ZNF90: variants seen among roughly 807,000 people sequenced by gnomAD.
ZNF90 encodes the protein zinc finger protein 90.
Under a neutral mutation model 12.0 loss-of-function variants are expected in ZNF90, and 11 were observed. That is an observed-to-expected ratio of 0.92 (90% confidence interval 0.58 to 1.52). The LOEUF (loss-of-function observed/expected upper bound fraction) is 1.52. Ranked by LOEUF, ZNF90 falls within the 40% of genes most tolerant of loss-of-function variation. ZNF90 has a pLI of 0.00. For synonymous variants in ZNF90, 232 were observed against 240.1 expected (o/e 0.97, Z 0.31); for missense variants, 765 against 711.5 (o/e 1.08, Z -0.86).
Position 20,119,714 on chromosome 19 carries a change from G to C in ZNF90, c.*354G>C. ...CTGCTCACTGCAACCTCTTCCTCCT[G>C]GTTCAAGCCATTAACCTGCTTCAGC... On this transcript the variant is annotated 3_prime_UTR_variant, in exon 4 of 4. Transcript: ENST00000418063. The C allele has an allele frequency of 5.5e-6, 1 of 182,760 alleles. No homozygotes were observed. The highest frequency in any genetic ancestry group is 1.1e-5 in the Non-Finnish European group (1 of 87,350). 11.3% of individuals were successfully genotyped at this position (182,760 alleles called of 1,614,324 possible).
rs2089175571 is a variant in ZNF90 at position 20,119,307 on chromosome 19, A to G, written c.1753A>G (p.Arg585Gly). The change falls in exon 4 of 4, where the codon AGG becomes GGG. Residue 585 changes from arginine to glycine, a missense_variant. Arg to Gly is a moderately radical substitution (Grantham distance 125). Coordinates refer to ENST00000418063, the MANE Select transcript of ZNF90 (RefSeq NM_007138.2). Reference sequence around the variant, plus strand: ...GTCCTCAGACCTTAATACACATAAGAGGATTCATATTGGACAGAAAGCCTA... The same window carrying G: ...GTCCTCAGACCTTAATACACATAAGGGGATTCATATTGGACAGAAAGCCTA... ...NLSSDLNTHK[R>G]IHIGQKAYIV... 6.2e-7 allele frequency: 1 copy of G among 1,610,216 alleles called. No homozygotes were observed. The highest frequency in any genetic ancestry group is 8.5e-7 in the Non-Finnish European group (1 of 1,178,052).
At chr19:20,106,739 C>A (rs532980514) in intron 3 of ZNF90, among the ~76,000 whole-genome samples, 2 of 152,208 alleles carry the variant, frequency 1.3e-5, no homozygotes, top group Admixed American at 6.5e-5. Flanking sequence ...AGGCGTGAGC[C>A]ACTGCGCCCG....
intron 1 of ZNF90, among the ~76,000 whole-genome samples, chr19:20,092,192 CG>C (rs2088908134): frequency 6.6e-6 from 1 of 151,794 alleles, no homozygotes; most frequent in South Asian, 2.1e-4. Flanking sequence ...CAGAAGGAGC[CG>C]GGGAGCAGAA....
intron 1 of ZNF90, chr19:20,080,289 A>G (rs966344489): frequency 5.3e-6 from 3 of 561,810 alleles, no homozygotes; most frequent in Admixed American, 2.1e-5. Flanking sequence ...TATTAGATGT[A>G]TTGTAGACAA....
chr19:20,085,196 C>T (rs1286074355), intron 1 of ZNF90, among the ~76,000 whole-genome samples: 3 of 151,900 alleles, frequency 2.0e-5, no homozygotes, highest in Non-Finnish European at 4.4e-5. Context: ...TTCCTCTTGA[C>T]AGCTTTGTCA....
chr19:20,117,046 T>TGAGAGA (rs376810203), intron 3 of ZNF90, among the ~76,000 whole-genome samples: 1 of 140,940 alleles, frequency 7.1e-6, no homozygotes, highest in South Asian at 2.2e-4. Flanking sequence ...TGTGTGTGTG[T>TGAGAGA]GAGAGAGAGA....
At chr19:20,080,190 A>G in intron 1 of ZNF90, 1 of 516,802 alleles carries the variant, frequency 1.9e-6, no homozygotes, top group Non-Finnish European at 3.8e-6. Context: ...GGGGCAGCAC[A>G]TAATGGGACT....
At chr19:20,099,446 C>T (rs558827076) in intron 1 of ZNF90, among the ~76,000 whole-genome samples, 9 of 152,186 alleles carry the variant, frequency 5.9e-5, no homozygotes, top group South Asian at 2.1e-4. Context: ...ATGGGAGGAA[C>T]GGTCTATCAT....
In ZNF90 at chr19:20,118,130, G is replaced by A. The variant is rs781953496; in HGVS notation, c.576G>A (p.Lys192=). The A allele has an allele frequency of 3.1e-6, 5 of 1,610,600 alleles. No homozygotes were observed. In the African/African-American group the frequency reaches 4.0e-5, roughly 13 times the overall value. ...FNQSSTLATH[K]KIHTGEITCK... Reference sequence around the variant, plus strand: ...AGTCCTCAACCCTTGCTACACATAAGAAAATTCATACTGGAGAGATAACCT... The same window carrying A: ...AGTCCTCAACCCTTGCTACACATAAAAAAATTCATACTGGAGAGATAACCT... Residue 192 remains lysine, a synonymous_variant, in exon 4 of 4, where the codon AAG becomes AAA. Transcript: ENST00000418063.
chr19:20,107,294 C>T (rs1225318996), intron 3 of ZNF90, among the ~76,000 whole-genome samples: 3 of 152,180 alleles, frequency 2.0e-5, no homozygotes, highest in African/African-American at 7.2e-5. Context: ...GGGATGGTTA[C>T]AGAGTAAGTT....
Position 20,119,280 on chromosome 19 carries a change from T to A in ZNF90, c.1726T>A (p.Leu576Met). The stretch of plus-strand genomic sequence containing the variant: ...TGAAGAATGTGGCAAAGCTTTTAAC[T>A]TGTCCTCAGACCTTAATACACATAA... ...KCEECGKAFNLSSDLNTHKRI... is the reference protein window; with the variant it reads ...KCEECGKAFNMSSDLNTHKRI... Residue 576 changes from leucine to methionine, a missense_variant, in exon 4 of 4, where the codon TTG (leucine) becomes ATG (methionine). Coordinates refer to ENST00000418063, the MANE Select transcript of ZNF90 (RefSeq NM_007138.2). The A allele has an allele frequency of 1.2e-6, 2 of 1,613,462 alleles. No homozygotes were observed. The highest frequency in any genetic ancestry group is 1.7e-6 in the Non-Finnish European group (2 of 1,179,736).
In ZNF90 at chr19:20,116,119, C is replaced by T. The variant is rs1372194751; in HGVS notation, c.227-1662C>T. Among the ~76,000 whole-genome samples, 7 of 152,250 alleles carry T rather than the reference C, an allele frequency of 4.6e-5. No homozygotes were observed. The East Asian group carries it at 1.4e-3, about 29-fold the overall frequency. ...AACTCCTGACCTCAAATGATTCACACACCTCAGGCTCCTAAATTGCTGGTA... is the reference window on the plus strand; with the variant it reads ...AACTCCTGACCTCAAATGATTCACATACCTCAGGCTCCTAAATTGCTGGTA... On this transcript the variant is annotated intron_variant, in intron 3 of 3. Coordinates refer to ENST00000418063, the MANE Select transcript of ZNF90 (RefSeq NM_007138.2).
chr19:20,118,042 A>AT lies in ZNF90; in HGVS notation c.489dup (p.Lys164Ter), dbSNP rs782136903. On this transcript the variant is annotated frameshift_variant, in exon 4 of 4. Coordinates refer to ENST00000418063, the MANE Select transcript of ZNF90 (RefSeq NM_007138.2). LOFTEE classifies it low-confidence loss of function (END_TRUNC). ...CATATATTTTCAAATTCAAACAGAC[A>AT]TAAGATAAGAGATACTGGAAAAAAA... 1.6e-5 allele frequency: 26 copies of AT among 1,611,876 alleles called. 1 individual carries two copies. The South Asian group carries it at 2.3e-4, about 14-fold the overall frequency.
Position 20,107,501 on chromosome 19 carries a change from G to A in ZNF90, c.226+2185G>A, listed in dbSNP as rs374803001. Among the ~76,000 whole-genome samples the A allele has an allele frequency of 1.4e-4, 22 of 152,208 alleles. 1 individual carries two copies. Among genetic ancestry groups the A allele is most frequent in the East Asian group, 1.2e-3 (6 of 5,182 alleles). On this transcript the variant is annotated intron_variant, in intron 3 of 3. Coordinates refer to ENST00000418063, the MANE Select transcript of ZNF90 (RefSeq NM_007138.2). Reference sequence around the variant, plus strand: ...TCTTAGAGGCCCTTATTTTGGAATGGCATCTTGCTGCATAATGCATGCAGG... The same window carrying A: ...TCTTAGAGGCCCTTATTTTGGAATGACATCTTGCTGCATAATGCATGCAGG...
At chr19:20,099,418 G>GT (rs1441362389) in intron 1 of ZNF90, among the ~76,000 whole-genome samples, 4 of 152,166 alleles carry the variant, frequency 2.6e-5, no homozygotes, top group Admixed American at 1.3e-4. Flanking sequence ...ACCCATTGTG[G>GT]TTTTTTCCCT....
Position 20,118,288 on chromosome 19 carries a change from C to G in ZNF90, c.734C>G (p.Thr245Ser). ...GKELKYSSTL[T>S]AHKRIHTGEK... ...GAATTAAAGTATTCCTCTACCCTTA[C>G]TGCACATAAGAGAATTCATACTGGA... is the stretch of plus-strand genomic sequence containing the variant. Residue 245 changes from threonine (T) to serine (S), a missense_variant, in exon 4 of 4, where the codon ACT becomes AGT. Thr to Ser is a moderately conservative substitution (Grantham distance 58). Transcript: ENST00000418063. 6.4e-7 allele frequency: 1 copy of G among 1,561,700 alleles called. No individual in the cohort carries two copies. Among genetic ancestry groups the G allele is most frequent in the East Asian group, 2.4e-5 (1 of 41,558 alleles).
chr19:20,092,314 A>G (rs1289355035), intron 1 of ZNF90, among the ~76,000 whole-genome samples: 8 of 152,246 alleles, frequency 5.3e-5, no homozygotes, highest in African/African-American at 1.9e-4. Flanking sequence ...GTATTAGGGC[A>G]GCAGCAGCGG....
At chr19:20,103,882 G>GGTGCCTTC in intron 1 of ZNF90, among the ~76,000 whole-genome samples, 2 of 151,650 alleles carry the variant, frequency 1.3e-5, no homozygotes, top group South Asian at 4.2e-4. Context: ...AAATTTGAGA[G>GGTGCCTTC]GTGCCTTCTA....
intron 3 of ZNF90, 79 bp downstream of exon 3, chr19:20,105,395 A>T: frequency 8.4e-7 from 1 of 1,186,278 alleles, no homozygotes; most frequent in Non-Finnish European, 1.2e-6. Context: ...GGTCCTTAAA[A>T]TGTGATTTAG....
Sources: gnomAD v4.1 joint callset for allele counts (sites outside exome capture counted in the v4.1 genomes callset) on GRCh38, gnomAD v4.1.1 for gene constraint, MANE v1.5 for transcripts, NCBI Gene and HGNC (gene_info 2026-07-23, HGNC 2026-07-21) for gene names.